The following TSPEAR variants were observed in gnomAD, a reference collection of about 807,000 sequenced individuals.
TSPEAR encodes thrombospondin type laminin G domain and EAR repeats.
In TSPEAR, 69 loss-of-function variants were observed where a neutral mutation model predicts 71.6. The ratio of observed to expected loss-of-function variants is 0.96; its 90% CI spans 0.79 to 1.18. TSPEAR has a LOEUF of 1.18. TSPEAR is among the 50% of genes most tolerant of loss of function. TSPEAR has a pLI of 0.00. For synonymous variants in TSPEAR, 402 were observed against 387.2 expected (o/e 1.04, Z -0.45); for missense variants, 971 against 894.9 (o/e 1.09, Z -1.09).
chr21:44,553,414 A>G (rs1326179610), intron 2 of TSPEAR, among the ~76,000 whole-genome samples: 1 of 152,254 alleles, frequency 6.6e-6, no homozygotes, highest in African/African-American at 2.4e-5. Context: ...CAGCTGGATT[A>G]AAAATTCACA....
chr21:44,574,703 G>C, intron 1 of TSPEAR: 1 of 1,608,280 alleles, frequency 6.2e-7, no homozygotes, highest in South Asian at 1.1e-5. Flanking sequence ...AAAGCCAGCA[G>C]GGCTGCTGCG....
chr21:44,643,685 G>A (rs749322618), intron 1 of TSPEAR, among the ~76,000 whole-genome samples: 1 of 152,104 alleles, frequency 6.6e-6, no homozygotes. Context: ...GGAACTCTCA[G>A]TAGATTAATA....
At chr21:44,682,049 G>A in intron 1 of TSPEAR, 3 of 1,614,086 alleles carry the variant, frequency 1.9e-6, no homozygotes, top group Middle Eastern at 3.3e-4. Flanking sequence ...CCACGGGGAT[G>A]TAACAGGATG....
chr21:44,615,734 A>G (rs772326562), intron 1 of TSPEAR, among the ~76,000 whole-genome samples: 6 of 152,134 alleles, frequency 3.9e-5, no homozygotes, highest in Non-Finnish European at 7.4e-5. Context: ...ATAGTTATCA[A>G]AAGAAGCAGA....
At chr21:44,640,959 A>G (rs1983988498) in intron 1 of TSPEAR, among the ~76,000 whole-genome samples, 1 of 152,154 alleles carries the variant, frequency 6.6e-6, no homozygotes, top group African/African-American at 2.4e-5. Flanking sequence ...CTAGGTCCCA[A>G]TCTGGAGAGG....
At position 44,524,214 on chromosome 21, in the gene TSPEAR, A is replaced by ATCAG. The variant is rs113786769; in HGVS notation, c.1336+1435_1336+1438dup. ...AGGTAGTTAGGCAGGTAGTCACTCCATCAGTCAGTCAGTCAGTCAGTGAGG... is the reference window on the plus strand; with the variant it reads ...AGGTAGTTAGGCAGGTAGTCACTCCATCAGTCAGTCAGTCAGTCAGTCAGTGAGG... On this transcript the variant is annotated intron_variant, in intron 8 of 11. Transcript: ENST00000323084. Among the ~76,000 whole-genome samples the ATCAG allele has an allele frequency of 4.1e-5, 6 of 148,110 alleles. 1 individual carries two copies. The highest frequency in any genetic ancestry group is 9.9e-5 in the African/African-American group (4 of 40,270).
intron 1 of TSPEAR, among the ~76,000 whole-genome samples, chr21:44,577,408 C>T (rs1408585824): frequency 6.6e-6 from 1 of 152,202 alleles, no homozygotes; most frequent in Non-Finnish European, 1.5e-5. Context: ...ATGGCACCTG[C>T]TGAGCTTCTG....
intron 1 of TSPEAR, among the ~76,000 whole-genome samples, chr21:44,581,823 G>A (rs1313613941): frequency 6.6e-6 from 1 of 152,188 alleles, no homozygotes; most frequent in Non-Finnish European, 1.5e-5. Context: ...CATCAGTTAA[G>A]CTCTGCTCAT....
chr21:44,565,775 A>G (rs1555921668), intron 2 of TSPEAR, among the ~76,000 whole-genome samples: 1 of 152,230 alleles, frequency 6.6e-6, no homozygotes, highest in East Asian at 1.9e-4. Flanking sequence ...GGAAAAAATA[A>G]AAAGCATTCA....
intron 1 of TSPEAR, among the ~76,000 whole-genome samples, chr21:44,656,027 T>G (rs1287381010): frequency 1.3e-5 from 2 of 152,168 alleles, no homozygotes; most frequent in African/African-American, 4.8e-5. Flanking sequence ...AGCCGATCTG[T>G]GGCCATGTGG....
intron 1 of TSPEAR, among the ~76,000 whole-genome samples, chr21:44,633,464 T>C (rs907816440): frequency 8.5e-5 from 13 of 152,272 alleles, no homozygotes; most frequent in African/African-American, 3.1e-4. Flanking sequence ...TTCTAACTTC[T>C]CTTTTGATTT....
At chr21:44,616,577 C>T (rs1037296776) in intron 1 of TSPEAR, among the ~76,000 whole-genome samples, 2 of 152,254 alleles carry the variant, frequency 1.3e-5, no homozygotes, top group Admixed American at 1.3e-4. Context: ...CCTTCTCCAC[C>T]TCCCACAACT....
intron 1 of TSPEAR, chr21:44,677,298 G>T: frequency 1.2e-6 from 1 of 853,282 alleles, no homozygotes; most frequent in Non-Finnish European, 2.0e-6. Flanking sequence ...ACCTTGCACT[G>T]TGTGCCACTT....
chr21:44,637,470 G>T (rs142753832), intron 1 of TSPEAR: 3 of 1,613,182 alleles, frequency 1.9e-6, no homozygotes, highest in Middle Eastern at 1.7e-4. Flanking sequence ...GACTCTTGGC[G>T]GGTAGTCGAC....
intron 1 of TSPEAR, chr21:44,592,622 G>T (rs1241905265): frequency 1.5e-6 from 2 of 1,345,060 alleles, no homozygotes; most frequent in African/African-American, 3.0e-5. Flanking sequence ...AGTCTGCCGG[G>T]ATTAGGGGTG....
chr21:44,701,199 G>GGTC (rs1250911690), intron 1 of TSPEAR, among the ~76,000 whole-genome samples: 1 of 152,226 alleles, frequency 6.6e-6, no homozygotes, highest in Non-Finnish European at 1.5e-5. Flanking sequence ...AGCGCGGAGT[G>GGTC]GTCGGGCCGG....
intron 1 of TSPEAR, chr21:44,573,645 C>G: frequency 6.6e-7 from 1 of 1,521,434 alleles, no homozygotes; most frequent in African/African-American, 1.4e-5. Flanking sequence ...CCTGTCTGGA[C>G]AACATGCACC....
At chr21:44,517,869 C>T (rs1476947892) in intron 9 of TSPEAR, 3 of 471,112 alleles carry the variant, frequency 6.4e-6, no homozygotes, top group African/African-American at 6.0e-5. Context: ...TCCTTGGGCT[C>T]AGCGCCCTTT....
chr21:44,557,892 G>T, intron 2 of TSPEAR: 2 of 853,266 alleles, frequency 2.3e-6, no homozygotes, highest in Non-Finnish European at 1.8e-6. Flanking sequence ...GTGTGGGAGA[G>T]ATGCATGCCT....
Sources: gnomAD v4.1 joint callset for allele counts (sites outside exome capture counted in the v4.1 genomes callset) on GRCh38, gnomAD v4.1.1 for gene constraint, MANE v1.5 for transcripts, NCBI Gene and HGNC (gene_info 2026-07-23, HGNC 2026-07-21) for gene names.